Variants in ACKR3 observed in about 807,000 individuals in gnomAD.
ACKR3 encodes C-X-C chemokine receptor type 7.
In ACKR3, 6 loss-of-function variants were observed where a neutral mutation model predicts 22.4. The observed-to-expected ratio is 0.27, with a 90% CI of 0.15 to 0.53. The LOEUF (loss-of-function observed/expected upper bound fraction) is 0.53, where lower values mean the gene tolerates loss of function less well. Ranked by LOEUF, ACKR3 falls within the 20% of genes least tolerant of loss-of-function variation. The pLI, the probability that ACKR3 is intolerant of heterozygous loss-of-function variation, is 0.96. For synonymous variants in ACKR3, 209 were observed against 205.2 expected, an observed-to-expected ratio of 1.02 and a Z score of -0.16; for missense variants, 396 against 475.2, an observed-to-expected ratio of 0.83 and a Z score of 1.55.
chr2:236,551,610 T>C, the ACKR3 span, among the ~76,000 whole-genome samples: 1 of 152,190 alleles, frequency 6.6e-6, no homozygotes, highest in Non-Finnish European at 1.5e-5. Flanking sequence ...ATGGACTGTG[T>C]CCAGACTCCT....
At chr2:236,575,057 G>T (rs1691379841) in intron 1 of ACKR3, among the ~76,000 whole-genome samples, 1 of 152,008 alleles carries the variant, frequency 6.6e-6, no homozygotes, top group Non-Finnish European at 1.5e-5. Flanking sequence ...GCAAGCGCTG[G>T]GAAAAAGGGA....
chr2:236,541,537 A>G, the ACKR3 span, among the ~76,000 whole-genome samples: 1 of 152,206 alleles, frequency 6.6e-6, no homozygotes, highest in Non-Finnish European at 1.5e-5. Context: ...TTGGTACTTT[A>G]TTGAGAGTAA....
chr2:236,557,999 C>A, the ACKR3 span, among the ~76,000 whole-genome samples: 1 of 152,168 alleles, frequency 6.6e-6, no homozygotes, highest in Non-Finnish European at 1.5e-5. Flanking sequence ...AGAAACTGGG[C>A]CAGACTGAAG....
upstream of ACKR3, among the ~76,000 whole-genome samples, chr2:236,566,766 T>TCCTTCCTTCCTTCCTTCCTG (rs1559469797): frequency 1.3e-5 from 2 of 149,236 alleles, no homozygotes; most frequent in African/African-American, 5.0e-5. Context: ...CTTCCTTCCT[T>TCCTTCCTTCCTTCCTTCCTG]TTCTTTGCTA....
chr2:236,578,597 C>T (rs781720691), intron 1 of ACKR3, among the ~76,000 whole-genome samples: 12 of 152,236 alleles, frequency 7.9e-5, no homozygotes, highest in Non-Finnish European at 1.3e-4. Flanking sequence ...ACCCCACAGT[C>T]ATTTACATCC....
the ACKR3 span, among the ~76,000 whole-genome samples, chr2:236,559,323 A>G: frequency 6.6e-6 from 1 of 152,260 alleles, no homozygotes; most frequent in Non-Finnish European, 1.5e-5. Flanking sequence ...AAGTATGCCT[A>G]TGTACTCACC....
chr2:236,554,133 C>T, the ACKR3 span, among the ~76,000 whole-genome samples: 1 of 152,114 alleles, frequency 6.6e-6, no homozygotes, highest in African/African-American at 2.4e-5. Context: ...CTGATATCTG[C>T]CCCTCTCCCT....
the ACKR3 span, among the ~76,000 whole-genome samples, chr2:236,548,800 A>G: frequency 6.6e-6 from 1 of 152,240 alleles, no homozygotes; most frequent in Non-Finnish European, 1.5e-5. This position sits in a 1 kb window ranked among gnomAD's most constrained non-coding sequence, Gnocchi z 4.3. Flanking sequence ...AGCACAGTTC[A>G]GTATTTATTT....
intron 1 of ACKR3, among the ~76,000 whole-genome samples, chr2:236,573,803 C>T (rs535462044): frequency 6.6e-6 from 1 of 152,336 alleles, no homozygotes; most frequent in East Asian, 1.9e-4. Flanking sequence ...AAAGCCATGG[C>T]CTTGCTCTAG....
At chr2:236,540,722 A>G in the ACKR3 span, among the ~76,000 whole-genome samples, 2 of 152,186 alleles carry the variant, frequency 1.3e-5, no homozygotes, top group Non-Finnish European at 2.9e-5. Flanking sequence ...GTGGTTATCC[A>G]CATTTTTCCT....
chr2:236,537,345 C>T, the ACKR3 span, among the ~76,000 whole-genome samples: 1 of 152,210 alleles, frequency 6.6e-6, no homozygotes, highest in African/African-American at 2.4e-5. Context: ...GAGGCAGAAG[C>T]TGGTAAGGAG....
chr2:236,572,477 G>A (rs753891437), intron 1 of ACKR3, among the ~76,000 whole-genome samples: 1 of 152,198 alleles, frequency 6.6e-6, no homozygotes, highest in African/African-American at 2.4e-5. Context: ...AGCATCTTTT[G>A]CTTTTCCTGC....
upstream of ACKR3, among the ~76,000 whole-genome samples, chr2:236,569,254 A>G (rs1415939143): frequency 6.6e-6 from 1 of 152,248 alleles, no homozygotes; most frequent in Admixed American, 6.5e-5. Flanking sequence ...GTATTCAAGT[A>G]TAATCTATTA....
chr2:236,537,336 A>G, the ACKR3 span, among the ~76,000 whole-genome samples: 1 of 152,192 alleles, frequency 6.6e-6, no homozygotes, highest in African/African-American at 2.4e-5. Flanking sequence ...AGCCAGGAGG[A>G]GGCAGAAGCT....
upstream of ACKR3, among the ~76,000 whole-genome samples, chr2:236,566,400 C>A (rs1253788327): frequency 6.6e-6 from 1 of 152,170 alleles, no homozygotes; most frequent in Non-Finnish European, 1.5e-5. Flanking sequence ...CTATTAGGTG[C>A]CACCAAACAC....
chr2:236,567,292 C>A (rs935419016), upstream of ACKR3, among the ~76,000 whole-genome samples: 10 of 152,216 alleles, frequency 6.6e-5, no homozygotes, highest in Non-Finnish European at 1.2e-4. Context: ...AGCCACCGCG[C>A]CCGGCCGGGT....
chr2:236,553,887 C>T, the ACKR3 span, among the ~76,000 whole-genome samples: 2 of 152,218 alleles, frequency 1.3e-5, no homozygotes, highest in African/African-American at 4.8e-5. Flanking sequence ...TACTTGTTTC[C>T]GTCATTCTGG....
In ACKR3 at chr2:236,580,410, A is replaced by G. The variant is rs1457107771; in HGVS notation, c.-26-30A>G. ...CCTAATGAAGTGACTTTCCTCTTCC[A>G]TCTTTTTTGTTTGCTTGGTTTTCTC... On this transcript the variant is annotated intron_variant, in intron 1 of 1. Transcript: ENST00000272928. 9 of 1,556,318 alleles carry G rather than the reference A, an allele frequency of 5.8e-6. No individual in the cohort carries two copies. The Admixed American group carries it at 9.4e-5, about 16-fold the overall frequency.
chr2:236,576,607 T>C (rs1316325953), intron 1 of ACKR3, among the ~76,000 whole-genome samples: 2 of 152,248 alleles, frequency 1.3e-5, no homozygotes, highest in African/African-American at 4.8e-5. Context: ...AGGAAGATTC[T>C]TTGCTCCAAT....
Sources: allele counts gnomAD v4.1 joint callset (sites outside exome capture counted in the v4.1 genomes callset), GRCh38; gene constraint gnomAD v4.1.1; non-coding constraint Gnocchi (gnomAD v3.1); transcripts MANE v1.5; gene names NCBI Gene and HGNC (gene_info 2026-07-23, HGNC 2026-07-21).